Variants in USP54 observed in about 807,000 individuals in gnomAD.
USP54 encodes ubiquitin specific peptidase 54.
USP54 carries 87 observed loss-of-function variants against 170.5 expected under a neutral mutation model. The observed-to-expected ratio is 0.51, with a 90% CI of 0.43 to 0.61. The LOEUF (loss-of-function observed/expected upper bound fraction) is 0.61, where lower values mean the gene tolerates loss of function less well. Ranked by LOEUF, USP54 falls within the 20% of genes least tolerant of loss-of-function variation. The pLI is 0.00. For synonymous variants in USP54, 655 were observed against 742.8 expected (o/e 0.88, Z 1.92); for missense variants, 1,786 against 2,047.8 (o/e 0.87, Z 2.47).
Position 73,543,342 on chromosome 10 carries a change from A to G in USP54, c.376-211T>C, listed in dbSNP as rs985722240. On this transcript the variant is annotated intron_variant, in intron 5 of 23. Transcript: ENST00000687698. ...CTGTACCCTTCACCCAGCTTCCTCC[A>G]ACAGTAACATCTGTGTTTTTTTTGT... is the stretch of plus-strand genomic sequence containing the variant. Among the ~76,000 whole-genome samples, 17 of 152,214 alleles carry G rather than the reference A, an allele frequency of 1.1e-4. No homozygotes were observed. In the South Asian group the frequency reaches 1.9e-3, roughly 17 times the overall value.
chr10:73,624,193 T>TATATATATA (rs2081321826), intron 1 of USP54, among the ~76,000 whole-genome samples: 1 of 125,000 alleles, frequency 8.0e-6, no homozygotes, highest in Admixed American at 8.2e-5. Flanking sequence ...TATATATATA[T>TATATATATA]ATGTATTTTT....
In USP54 at chr10:73,517,144, G is replaced by A; in HGVS notation, c.3282C>T (p.Asn1094=). 1 of 1,614,194 alleles carries A rather than the reference G, an allele frequency of 6.2e-7. No individual in the cohort carries two copies. The highest frequency in any genetic ancestry group is 8.5e-7 in the Non-Finnish European group (1 of 1,180,040). Residue 1094 remains asparagine (N), a synonymous_variant, in exon 20 of 24, where the codon AAC becomes AAT. Transcript: ENST00000687698. The stretch of plus-strand genomic sequence containing the variant: ...TGAGGCTTTGGCCTTGGAGGCATTG[G>A]TTAGTTTTCTGCACAGGATCAGGAC... ...LHCPDPVQKT[N]QCLQGQSLKT...
At chr10:73,509,093 G>GT (rs2059758857) in intron 20 of USP54, among the ~76,000 whole-genome samples, 1 of 118,202 alleles carries the variant, frequency 8.5e-6, no homozygotes, top group African/African-American at 3.3e-5. Context: ...AAAACATAGG[G>GT]TATCATACTG....
At chr10:73,532,064 ATTT>A (rs1021869149) in intron 12 of USP54, among the ~76,000 whole-genome samples, 1 of 152,076 alleles carries the variant, frequency 6.6e-6, no homozygotes, top group Non-Finnish European at 1.5e-5. Flanking sequence ...ATGGATACAT[ATTT>A]TCAATCAGTT....
chr10:73,571,137 CAA>C (rs59126730), intron 4 of USP54, among the ~76,000 whole-genome samples: 500 of 44,216 alleles, frequency 0.011, 5 homozygotes, highest in African/African-American at 0.025. Flanking sequence ...GACTTCATCC[CAA>C]AAAAAAAAAA....
Position 73,519,978 on chromosome 10 carries a change from C to A in USP54, c.2497G>T (p.Ala833Ser). The change falls in exon 19 of 24, where the codon GCC (alanine) becomes TCC (serine). Residue 833 changes from alanine (A) to serine (S), a missense_variant. Ala to Ser is a moderately conservative substitution (Grantham distance 99). Coordinates refer to ENST00000687698, the MANE Select transcript of USP54 (RefSeq NM_001391956.1). The part of the protein sequence containing the change: ...CNEAISKLRL[A>S]LHGASCSTHS... ...GTGCTACAGCTGGCACCATGCAGGG[C>A]AAGTCTTAGTTTAGCTAAAATGCAA... The A allele has an allele frequency of 1.9e-6, 3 of 1,607,678 alleles. No individual in the cohort carries two copies. Among genetic ancestry groups the A allele is most frequent in the Non-Finnish European group, 2.5e-6 (3 of 1,176,890 alleles).
chr10:73,542,866 C>T lies in USP54; in HGVS notation c.509G>A (p.Gly170Asp). The T allele has an allele frequency of 6.2e-7, 1 of 1,614,096 alleles. No homozygotes were observed. The highest frequency in any genetic ancestry group is 1.3e-5 in the African/African-American group (1 of 75,028). The change falls in exon 7 of 24, where the codon GGT becomes GAT. Residue 170 changes from glycine to aspartate, a missense_variant. Coordinates refer to ENST00000687698, the MANE Select transcript of USP54 (RefSeq NM_001391956.1). ...LFEQCVCTSC[G>D]ATSDPLPFIQ... is the part of the protein sequence containing the mutation. ...GAAAGGCAGCGGATCAGAAGTGGCA[C>T]CACAGCTAGTACATACACACTGGGC...
rs1190348988 is a variant in USP54 at position 73,541,505 on chromosome 10, C to G, written c.695G>C (p.Arg232Thr). 2 of 1,614,202 alleles carry G rather than the reference C, an allele frequency of 1.2e-6. No homozygotes were observed. The highest frequency in any genetic ancestry group is 4.5e-5 in the East Asian group (2 of 44,884). Residue 232 changes from arginine (R) to threonine (T), a missense_variant, in exon 9 of 24, where the codon AGG (arginine) becomes ACG (threonine). Physicochemically the swap from Arg to Thr is moderately conservative, Grantham distance 71 (BLOSUM62 -1). This residue lies in a region of USP54 where 361 missense variants were observed against 455.0 expected (regional missense o/e 0.79). Coordinates refer to ENST00000687698, the MANE Select transcript of USP54 (RefSeq NM_001391956.1). ...CATCAACACACGGCGAATCCTGATCCTCTCTCCACAGTTGCTCTGAAATAC... is the reference window on the plus strand; with the variant it reads ...CATCAACACACGGCGAATCCTGATCGTCTCTCCACAGTTGCTCTGAAATAC... ...LRNCPSNCGERIRIRRVLMNA... is the reference protein window; with the variant it reads ...LRNCPSNCGETIRIRRVLMNA...
chr10:73,503,986 G>T (rs1380197148), intron 22 of USP54, among the ~76,000 whole-genome samples: 3 of 152,192 alleles, frequency 2.0e-5, no homozygotes, highest in African/African-American at 7.2e-5. Context: ...AAAGTGCTGG[G>T]ATTACAGGCA....
chr10:73,580,552 T>C (rs1172887680), intron 1 of USP54, among the ~76,000 whole-genome samples: 1 of 151,566 alleles, frequency 6.6e-6, no homozygotes, highest in African/African-American at 2.4e-5. Context: ...ACTATTGTGT[T>C]ACAATTGCTT....
chr10:73,571,458 T>C lies in USP54; in HGVS notation c.203A>G (p.Lys68Arg), dbSNP rs1442317971. Reference sequence around the variant, plus strand: ...AAAGATGCAGGAATCTCCCATGCACTTGTGAGTTGTAAGCTGCCTAAAGCT... The same window carrying C: ...AAAGATGCAGGAATCTCCCATGCACCTGTGAGTTGTAAGCTGCCTAAAGCT... ...RRSFRQLTTH[K>R]CMGDSCIFCA... Residue 68 changes from lysine (K) to arginine (R), a missense_variant, in exon 4 of 24, where the codon AAG (lysine) becomes AGG (arginine). Around this residue, in one of 3 missense-constraint regions of USP54, gnomAD observed 361 missense variants for 455.0 expected, o/e 0.79. Coordinates refer to ENST00000687698, the MANE Select transcript of USP54 (RefSeq NM_001391956.1). 6.2e-7 allele frequency: 1 copy of C among 1,614,010 alleles called. No individual in the cohort carries two copies. The highest frequency in any genetic ancestry group is 2.2e-5 in the East Asian group (1 of 44,872).
chr10:73,547,376 G>A (rs1451313970), intron 4 of USP54, among the ~76,000 whole-genome samples: 5 of 152,168 alleles, frequency 3.3e-5, no homozygotes, highest in South Asian at 4.2e-4. Flanking sequence ...ACTCCAGCCC[G>A]AACTACTTTA....
At chr10:73,540,555 G>A (rs192006573) in intron 9 of USP54, among the ~76,000 whole-genome samples, 1 of 152,196 alleles carries the variant, frequency 6.6e-6, no homozygotes, top group South Asian at 2.1e-4. Context: ...GGGCGACAGA[G>A]CAAGACTCCA....
At chr10:73,520,344 C>G (rs561906946) in intron 18 of USP54, among the ~76,000 whole-genome samples, 23 of 152,302 alleles carry the variant, frequency 1.5e-4, no homozygotes, top group Admixed American at 1.1e-3. Context: ...CCTCTCTTCC[C>G]AATGGCCAAC....
Position 73,500,741 on chromosome 10 carries a change from C to T in USP54, c.4409G>A (p.Gly1470Asp), listed in dbSNP as rs775937278. Residue 1470 changes from glycine to aspartate, a missense_variant, in exon 23 of 24, where the codon GGT (glycine) becomes GAT (aspartate). Transcript: ENST00000687698. ...VIHDPSVFLL[G>D]PQLYLPQPQF... is the part of the protein sequence containing the mutation. The stretch of plus-strand genomic sequence containing the variant: ...TGGTTGGGGAAGGTAGAGTTGGGGA[C>T]CGAGGAGAAACACAGAAGGGTCATG... The T allele has an allele frequency of 3.7e-6, 6 of 1,603,226 alleles. No homozygotes were observed. In the East Asian group the frequency reaches 9.2e-5, roughly 25 times the overall value.
chr10:73,619,885 G>A (rs1421473935), intron 1 of USP54, among the ~76,000 whole-genome samples: 1 of 150,598 alleles, frequency 6.6e-6, no homozygotes, highest in Non-Finnish European at 1.5e-5. Flanking sequence ...CCCAAAATTA[G>A]CTGAGGGCAT....
At chr10:73,574,428 T>C (rs974331417) in intron 3 of USP54, among the ~76,000 whole-genome samples, 2 of 152,224 alleles carry the variant, frequency 1.3e-5, no homozygotes, top group Middle Eastern at 3.4e-3. Context: ...CTTTGACTTG[T>C]GGAAAGAATT....
chr10:73,544,686 A>AT (rs2067361859), intron 5 of USP54, among the ~76,000 whole-genome samples: 1 of 151,770 alleles, frequency 6.6e-6, no homozygotes, highest in African/African-American at 2.4e-5. Context: ...CTGTGATGAG[A>AT]TATGTATCAC....
intron 1 of USP54, among the ~76,000 whole-genome samples, chr10:73,607,898 T>C (rs1235967544): frequency 6.6e-6 from 1 of 150,962 alleles, no homozygotes; most frequent in Non-Finnish European, 1.5e-5. Context: ...AATTGAGTAG[T>C]AAGGATTAAA....
Sources: gnomAD v4.1 joint callset for allele counts (sites outside exome capture counted in the v4.1 genomes callset) on GRCh38, gnomAD v4.1.1 for gene constraint, gnomAD v4.1.1 regional missense constraint, MANE v1.5 for transcripts, NCBI Gene and HGNC (gene_info 2026-07-23, HGNC 2026-07-21) for gene names.